LAMA2: variants seen among roughly 807,000 people sequenced by gnomAD.
LAMA2 encodes the protein laminin subunit alpha-2.
LAMA2 carries 269 observed loss-of-function variants against 364.8 expected under a neutral mutation model. The ratio of observed to expected loss-of-function variants is 0.74; its 90% confidence interval spans 0.67 to 0.82. The LOEUF is 0.82. LAMA2 is among the 40% of genes least tolerant of loss of function. The probability of loss-of-function intolerance (pLI) is 0.00; values close to 1 mark genes in which losing one functional copy is unlikely to be tolerated. For synonymous variants in LAMA2, 1,379 were observed against 1,370.6 expected (o/e 1.01, Z -0.14); for missense variants, 3,807 against 3,873.2 (o/e 0.98, Z 0.45).
At chr6:129,219,867 C>T (rs1783700680) in intron 12 of LAMA2, among the ~76,000 whole-genome samples, 1 of 145,696 alleles carries the variant, frequency 6.9e-6, no homozygotes, top group Non-Finnish European at 1.5e-5. Flanking sequence ...TTAGGAGATG[C>T]TAAATGACGA....
chr6:129,009,817 C>G (rs1332815509), intron 1 of LAMA2, among the ~76,000 whole-genome samples: 1 of 152,178 alleles, frequency 6.6e-6, no homozygotes, highest in East Asian at 1.9e-4. Flanking sequence ...TGACACGTAA[C>G]TCATAAAATG....
At chr6:129,473,786 G>A (rs1291386904) in intron 52 of LAMA2, among the ~76,000 whole-genome samples, 1 of 151,984 alleles carries the variant, frequency 6.6e-6, no homozygotes, top group Non-Finnish European at 1.5e-5. Flanking sequence ...ATAATGGCGT[G>A]TTGGAGCTTT....
chr6:129,397,920 G>C (rs1429476761), intron 37 of LAMA2, among the ~76,000 whole-genome samples: 1 of 134,574 alleles, frequency 7.4e-6, no homozygotes, highest in African/African-American at 3.0e-5. Flanking sequence ...CTGGGCGACA[G>C]AGTGAGACTC....
At chr6:129,115,981 C>T (rs1776455611) in intron 4 of LAMA2, among the ~76,000 whole-genome samples, 1 of 152,046 alleles carries the variant, frequency 6.6e-6, no homozygotes, top group African/African-American at 2.4e-5. Context: ...TTTATGCATG[C>T]AATTAGCAAT....
Position 129,049,982 on chromosome 6 carries a change from A to AG in LAMA2, c.178dup (p.Glu60GlyfsTer5). On this transcript the variant is annotated frameshift_variant, in exon 2 of 65. Transcript: ENST00000421865. LOFTEE classifies it high-confidence loss of function. ...TTATCACGACCAATGCAACATGTGG[A>AG]GAAAAAGGACCTGAAATGTACTGCA... 1.2e-6 allele frequency: 2 copies of AG among 1,613,970 alleles called. No homozygotes were observed. The highest frequency in any genetic ancestry group is 1.7e-6 in the Non-Finnish European group (2 of 1,179,884).
At chr6:129,205,972 G>C (rs900704395) in intron 12 of LAMA2, among the ~76,000 whole-genome samples, 1 of 150,832 alleles carries the variant, frequency 6.6e-6, no homozygotes, top group African/African-American at 2.4e-5. Context: ...GCAGTGAGCT[G>C]AAATTGTGCC....
At chr6:129,158,610 GAGA>G in intron 8 of LAMA2, 2 of 1,614,140 alleles carry the variant, frequency 1.2e-6, no homozygotes, top group Non-Finnish European at 1.7e-6. Context: ...AAAGCAGCTG[GAGA>G]AGATGATCAT....
intron 4 of LAMA2, among the ~76,000 whole-genome samples, chr6:129,120,126 G>T (rs1201274127): frequency 6.6e-6 from 1 of 152,312 alleles, no homozygotes; most frequent in African/African-American, 2.4e-5. Context: ...TGCCAGAGCA[G>T]ATTTCAAGAT....
At chr6:129,115,536 T>A (rs1418207208) in intron 4 of LAMA2, among the ~76,000 whole-genome samples, 1 of 152,140 alleles carries the variant, frequency 6.6e-6, no homozygotes, top group Non-Finnish European at 1.5e-5. Context: ...AACAGCCTCC[T>A]TAGGAAATTC....
At chr6:129,311,521 A>G (rs781073826) in intron 22 of LAMA2, among the ~76,000 whole-genome samples, 10 of 152,188 alleles carry the variant, frequency 6.6e-5, no homozygotes, top group Non-Finnish European at 1.5e-4. Context: ...TCATTCTGCC[A>G]CCGGATACGG....
chr6:129,336,009 C>T (rs957175214), intron 29 of LAMA2, among the ~76,000 whole-genome samples: 5 of 152,048 alleles, frequency 3.3e-5, no homozygotes, highest in South Asian at 4.1e-4. Context: ...TAAAATTTGT[C>T]GCAGGATAGT....
At chr6:128,968,390 T>G (rs1046178151) in intron 1 of LAMA2, among the ~76,000 whole-genome samples, 2 of 152,168 alleles carry the variant, frequency 1.3e-5, no homozygotes, top group Non-Finnish European at 1.5e-5. Context: ...CCCATTCTTA[T>G]GATGTTTTTA....
chr6:129,371,034 G>A (rs1778043440), intron 34 of LAMA2, among the ~76,000 whole-genome samples: 2 of 152,120 alleles, frequency 1.3e-5, no homozygotes, highest in African/African-American at 4.8e-5. Context: ...CCAAATGTAT[G>A]TAGACATTAG....
chr6:129,403,375 G>A (rs1255151257), intron 39 of LAMA2, among the ~76,000 whole-genome samples: 1 of 152,164 alleles, frequency 6.6e-6, no homozygotes, highest in Non-Finnish European at 1.5e-5. Context: ...GGACATATTG[G>A]TCATTTGGCC....
rs558000073 is a variant in LAMA2 at position 129,419,210 on chromosome 6, G to A, written c.5866-8542G>A. ...TGTCTCAGGGTTTGTGTCATCAGTC[G>A]GAAACACAGAACTCTTTTGAACAAT... On this transcript the variant is annotated intron_variant, in intron 40 of 64. Transcript: ENST00000421865. Among the ~76,000 whole-genome samples, 7 of 152,096 alleles carry A rather than the reference G, an allele frequency of 4.6e-5. No individual in the cohort carries two copies. In the East Asian group the frequency reaches 7.7e-4, roughly 17 times the overall value.
chr6:129,106,448 C>T (rs999444087), intron 4 of LAMA2, among the ~76,000 whole-genome samples: 1 of 152,056 alleles, frequency 6.6e-6, no homozygotes, highest in Non-Finnish European at 1.5e-5. Context: ...TTCTCAATTA[C>T]CCTTGCAATT....
chr6:128,942,608 A>G (rs1429007741), intron 1 of LAMA2, among the ~76,000 whole-genome samples: 1 of 152,190 alleles, frequency 6.6e-6, no homozygotes, highest in African/African-American at 2.4e-5. Flanking sequence ...TGTTGTGTAC[A>G]GTGGAGATGG....
chr6:128,889,229 T>C (rs1325579823), intron 1 of LAMA2, among the ~76,000 whole-genome samples: 3 of 152,212 alleles, frequency 2.0e-5, no homozygotes, highest in African/African-American at 7.2e-5. Context: ...CACATGGACA[T>C]ATAGGTACTT....
chr6:129,258,015 T>C (rs1786826435), intron 14 of LAMA2, among the ~76,000 whole-genome samples: 1 of 152,076 alleles, frequency 6.6e-6, no homozygotes, highest in Non-Finnish European at 1.5e-5. Flanking sequence ...TCTGTCTATC[T>C]ACCCATCCGT....
Sources: gnomAD v4.1 joint callset for allele counts (sites outside exome capture counted in the v4.1 genomes callset) on GRCh38, gnomAD v4.1.1 for gene constraint, MANE v1.5 for transcripts, NCBI Gene and HGNC (gene_info 2026-07-23, HGNC 2026-07-21) for gene names.